Variants in CDH4 observed in about 807,000 individuals in gnomAD.
CDH4 encodes the protein cadherin-4.
CDH4 carries 33 observed loss-of-function variants against 86.0 expected under a neutral mutation model. The observed-to-expected ratio is 0.38, with a 90% CI of 0.29 to 0.51. CDH4 has a LOEUF of 0.51. CDH4 is among the 20% of genes least tolerant of loss of function. The pLI, the probability that CDH4 is intolerant of heterozygous loss-of-function variation, is 0.86. For missense variants in CDH4, 1,114 were observed against 1,307.4 expected, an observed-to-expected ratio of 0.85 and a Z score of 2.28; for synonymous variants, 555 against 549.4, an observed-to-expected ratio of 1.01 and a Z score of -0.14.
chr20:61,586,808 C>G (rs571856750), intron 2 of CDH4, among the ~76,000 whole-genome samples: 8 of 152,272 alleles, frequency 5.3e-5, no homozygotes, highest in South Asian at 4.2e-4. Context: ...GAGACACACA[C>G]AGAGAGAGAC....
At chr20:61,646,103 T>C (rs1318764854) in intron 2 of CDH4, among the ~76,000 whole-genome samples, 1 of 152,140 alleles carries the variant, frequency 6.6e-6, no homozygotes, top group Non-Finnish European at 1.5e-5. Context: ...CAGGTCATGG[T>C]TTCCACCAGG....
chr20:61,642,710 G>T (rs532321125), intron 2 of CDH4, among the ~76,000 whole-genome samples: 1 of 152,168 alleles, frequency 6.6e-6, no homozygotes, highest in African/African-American at 2.4e-5. Context: ...GTCTTACAGG[G>T]CTATAATCCA....
intron 2 of CDH4, among the ~76,000 whole-genome samples, chr20:61,456,501 G>A (rs190890802): frequency 6.6e-6 from 1 of 152,324 alleles, no homozygotes; most frequent in East Asian, 1.9e-4. Context: ...GGATAAGCAG[G>A]GGTGCTGCTA....
intron 2 of CDH4, among the ~76,000 whole-genome samples, chr20:61,399,666 C>A (rs1421796423): frequency 5.9e-5 from 9 of 152,190 alleles, no homozygotes; most frequent in Admixed American, 2.0e-4. Flanking sequence ...GGCAAATTGG[C>A]CACTCACGTC....
intron 4 of CDH4, among the ~76,000 whole-genome samples, chr20:61,778,665 C>T (rs1209188442): frequency 6.6e-6 from 1 of 152,024 alleles, no homozygotes; most frequent in African/African-American, 2.4e-5. Flanking sequence ...GTACCCACAC[C>T]GCGGAGGGAA....
At chr20:61,826,231 C>G (rs1236165818) in intron 4 of CDH4, among the ~76,000 whole-genome samples, 2 of 152,178 alleles carry the variant, frequency 1.3e-5, no homozygotes, top group Non-Finnish European at 2.9e-5. Context: ...TGGGCATAAC[C>G]TACTCCCATT....
chr20:61,318,998 A>G (rs1488386748), intron 2 of CDH4, among the ~76,000 whole-genome samples: 1 of 152,204 alleles, frequency 6.6e-6, no homozygotes, highest in Non-Finnish European at 1.5e-5. Flanking sequence ...GAGATGCTGC[A>G]CACCATGCAT....
chr20:61,520,755 G>C (rs1378174876), intron 2 of CDH4, among the ~76,000 whole-genome samples: 1 of 152,204 alleles, frequency 6.6e-6, no homozygotes, highest in Non-Finnish European at 1.5e-5. Flanking sequence ...GGATCCTGAA[G>C]ACTTAACAAC....
intron 2 of CDH4, among the ~76,000 whole-genome samples, chr20:61,647,528 TCTCTCC>T (rs111670033): frequency 0.32 from 29,218 of 90,454 alleles, 4,597 homozygotes; most frequent in South Asian, 0.42. Context: ...ACACATATTC[TCTCTCC>T]CTCTCCCTCT....
chr20:61,640,463 C>T (rs1295145465), intron 2 of CDH4, among the ~76,000 whole-genome samples: 2 of 152,190 alleles, frequency 1.3e-5, no homozygotes, highest in Non-Finnish European at 2.9e-5. Context: ...CCTGTGCTGG[C>T]TTCCGGGGCC....
At chr20:61,424,585 C>A (rs1177312611) in intron 2 of CDH4, among the ~76,000 whole-genome samples, 3 of 152,246 alleles carry the variant, frequency 2.0e-5, no homozygotes, top group African/African-American at 4.8e-5. Flanking sequence ...TCCCATGGCC[C>A]TTGTCTCCTC....
At chr20:61,661,492 T>TTTA (rs1555821407) in intron 2 of CDH4, among the ~76,000 whole-genome samples, 1 of 150,084 alleles carries the variant, frequency 6.7e-6, no homozygotes. Context: ...TTTTTTTTTT[T>TTTA]AACACTCATA....
chr20:61,715,569 A>G (rs1433399638), intron 2 of CDH4, among the ~76,000 whole-genome samples: 1 of 152,226 alleles, frequency 6.6e-6, no homozygotes, highest in Non-Finnish European at 1.5e-5. Context: ...CAGAGCCCTG[A>G]TTAATCCATT....
At chr20:61,536,338 G>A (rs1175255718) in intron 2 of CDH4, among the ~76,000 whole-genome samples, 3 of 152,206 alleles carry the variant, frequency 2.0e-5, no homozygotes, top group African/African-American at 7.2e-5. Context: ...CTGGGAAGAT[G>A]GATCCACTGG....
chr20:61,409,882 A>G (rs1167741482), intron 2 of CDH4, among the ~76,000 whole-genome samples: 2 of 152,278 alleles, frequency 1.3e-5, no homozygotes, highest in African/African-American at 4.8e-5. Flanking sequence ...ATAGCAGCCC[A>G]GGCTTTGTGT....
chr20:61,790,830 ACCAT>A (rs1979151926), intron 4 of CDH4, among the ~76,000 whole-genome samples: 1 of 139,862 alleles, frequency 7.1e-6, no homozygotes, highest in Non-Finnish European at 1.6e-5. Context: ...CCACCCACCC[ACCAT>A]CCATCCATTC....
At chr20:61,373,105 C>G (rs767397000) in intron 2 of CDH4, among the ~76,000 whole-genome samples, 1 of 152,266 alleles carries the variant, frequency 6.6e-6, no homozygotes, top group Non-Finnish European at 1.5e-5. Flanking sequence ...GCTGCAATGC[C>G]CCATGGCTGG....
chr20:61,775,190 A>G (rs1367908594), intron 4 of CDH4, among the ~76,000 whole-genome samples: 1 of 152,160 alleles, frequency 6.6e-6, no homozygotes, highest in African/African-American at 2.4e-5. Flanking sequence ...AGAGAAAAGC[A>G]TAAGGTGAGA....
At chr20:61,767,129 C>T (rs915586386) in intron 3 of CDH4, among the ~76,000 whole-genome samples, 8 of 152,194 alleles carry the variant, frequency 5.3e-5, no homozygotes, top group African/African-American at 1.9e-4. Flanking sequence ...GGGCAGGGCC[C>T]GGGCCCGTGC....
Sources: gnomAD v4.1 joint callset for allele counts (sites outside exome capture counted in the v4.1 genomes callset) on GRCh38, gnomAD v4.1.1 for gene constraint, MANE v1.5 for transcripts, NCBI Gene and HGNC (gene_info 2026-07-23, HGNC 2026-07-21) for gene names.